Variants in PARD3B observed in about 807,000 individuals in gnomAD.
PARD3B encodes the protein partitioning defective 3 homolog B.
PARD3B carries 103 observed loss-of-function variants against 130.2 expected under a neutral mutation model. That is an observed-to-expected ratio of 0.79 (90% CI 0.67 to 0.93). PARD3B has a LOEUF of 0.93. PARD3B is among the 40% of genes least tolerant of loss of function. The pLI, the probability that PARD3B is intolerant of heterozygous loss-of-function variation, is 0.00. For synonymous variants in PARD3B, 583 were observed against 553.2 expected, an observed-to-expected ratio of 1.05 and a Z score of -0.76; for missense variants, 1,609 against 1,499.2, an observed-to-expected ratio of 1.07 and a Z score of -1.21.
Position 205,564,908 on chromosome 2 carries a change from A to G in PARD3B, c.3260+11505A>G, listed in dbSNP as rs969433608. Among the ~76,000 whole-genome samples, 2 of 152,208 alleles carry G rather than the reference A, an allele frequency of 1.3e-5. No homozygotes were observed. Among genetic ancestry groups the G allele is most frequent in the Non-Finnish European group, 2.9e-5 (2 of 68,040 alleles). ...TCATTAAGCCTAGACAGAAGTGACC[A>G]GGGCTTGTCTCACCAGAGGGTTGCC... On this transcript the variant is annotated intron_variant, in intron 22 of 22. Coordinates refer to ENST00000406610, the MANE Select transcript of PARD3B (RefSeq NM_001302769.2). The surrounding 1 kb of genome is among the most constrained non-coding windows in gnomAD (Gnocchi z 4.6).
In PARD3B at chr2:205,276,977, A is replaced by G. The variant is rs553119906; in HGVS notation, c.2186-23553A>G. On this transcript the variant is annotated intron_variant, in intron 16 of 22. Coordinates refer to ENST00000406610, the MANE Select transcript of PARD3B (RefSeq NM_001302769.2). The surrounding 1 kb of genome is among the most constrained non-coding windows in gnomAD (Gnocchi z 5.0). ...CCTAGCTCCATTTCTGGCACCTAGG[A>G]CAACCTCCATACCTGCTAGTTGTTA... is the stretch of plus-strand genomic sequence containing the variant. 7.9e-5 allele frequency among the ~76,000 whole-genome samples: 12 copies of G among 152,318 alleles called. No individual in the cohort carries two copies. The South Asian group carries it at 2.1e-3, about 26-fold the overall frequency.
At chr2:205,344,763 G>T (rs1322020634) in intron 18 of PARD3B, among the ~76,000 whole-genome samples, 1 of 152,138 alleles carries the variant, frequency 6.6e-6, no homozygotes, top group Admixed American at 6.5e-5. Context: ...AGGGCATTTT[G>T]CCCTCACTTA....
chr2:204,836,063 G>C (rs1303659621), intron 2 of PARD3B, among the ~76,000 whole-genome samples: 1 of 152,202 alleles, frequency 6.6e-6, no homozygotes, highest in Non-Finnish European at 1.5e-5. Flanking sequence ...TTTCGATGTA[G>C]TCTGAAATTA....
At chr2:204,643,370 A>T (rs1447798022) in intron 1 of PARD3B, among the ~76,000 whole-genome samples, 1 of 151,930 alleles carries the variant, frequency 6.6e-6, no homozygotes, top group East Asian at 1.9e-4. Flanking sequence ...TCTGTCCTGG[A>T]CTTCATCCCT....
intron 22 of PARD3B, among the ~76,000 whole-genome samples, chr2:205,571,175 A>C (rs2053548422): frequency 6.6e-6 from 1 of 152,230 alleles, no homozygotes; most frequent in Non-Finnish European, 1.5e-5. Context: ...CAATGGCTAA[A>C]AATTTAAAGG....
chr2:205,085,606 C>A lies in PARD3B; in HGVS notation c.505-18820C>A, dbSNP rs1453794214. On this transcript the variant is annotated intron_variant, in intron 4 of 22. Coordinates refer to ENST00000406610, the MANE Select transcript of PARD3B (RefSeq NM_001302769.2). ...AACAAGAAATGTATACATTATCATT[C>A]ATTGCTTTTCCTTGACATTTATGTA... Among the ~76,000 whole-genome samples, 11 of 151,936 alleles carry A rather than the reference C, an allele frequency of 7.2e-5. No homozygotes were observed. In the East Asian group the frequency reaches 2.1e-3, roughly 29 times the overall value.
chr2:205,577,114 A>G (rs771360744), intron 22 of PARD3B, among the ~76,000 whole-genome samples: 5 of 152,174 alleles, frequency 3.3e-5, no homozygotes, highest in Non-Finnish European at 7.3e-5. Context: ...GTATACGAAA[A>G]TGATTGACTT....
Position 204,967,037 on chromosome 2 carries a change from C to G in PARD3B, c.394+1714C>G, listed in dbSNP as rs1055387610. 6.6e-6 allele frequency among the ~76,000 whole-genome samples: 1 copy of G among 152,170 alleles called. No individual in the cohort carries two copies. The highest frequency in any genetic ancestry group is 2.4e-5 in the African/African-American group (1 of 41,438). ...TGTTGCTGGCTGTGGTGTGAGAAAC[C>G]ATTTTGCTGTGCTGCCTCTGACATG... On this transcript the variant is annotated intron_variant, in intron 3 of 22. Transcript: ENST00000406610. The surrounding 1 kb of genome is among the most constrained non-coding windows in gnomAD (Gnocchi z 4.4).
rs560790526 is a variant in PARD3B at position 205,137,348 on chromosome 2, G to A, written c.1434+11611G>A. Among the ~76,000 whole-genome samples, 19 of 152,234 alleles carry A rather than the reference G, an allele frequency of 1.2e-4. No individual in the cohort carries two copies. The East Asian group carries it at 1.9e-3, about 15-fold the overall frequency. ...AATAATGAATAACGAACATCTTTCC[G>A]AAGGCAGGAAAGAAAACTGCAGAAA... On this transcript the variant is annotated intron_variant, in intron 10 of 22. Transcript: ENST00000406610.
chr2:205,197,847 A>G (rs181007776), intron 15 of PARD3B, among the ~76,000 whole-genome samples: 72 of 152,200 alleles, frequency 4.7e-4, no homozygotes, highest in African/African-American at 1.7e-3. Flanking sequence ...TTCATAATTG[A>G]GCTTGTGTGG....
chr2:204,916,816 T>C (rs2047465298), intron 2 of PARD3B, among the ~76,000 whole-genome samples: 2 of 152,352 alleles, frequency 1.3e-5, no homozygotes, highest in South Asian at 2.1e-4. Flanking sequence ...GGACTTATGA[T>C]ACTAAGCCAC....
At position 204,623,980 on chromosome 2, in the gene PARD3B, C is replaced by G. The variant is rs1385786839; in HGVS notation, c.121-62201C>G. ...CTGTCCATGTCATTGGCAGGACTTT[C>G]TTTTTAGAGGCTGCATAATATTCCA... On this transcript the variant is annotated intron_variant, in intron 1 of 22. Coordinates refer to ENST00000406610, the MANE Select transcript of PARD3B (RefSeq NM_001302769.2). This position sits in a 1 kb window ranked among gnomAD's most constrained non-coding sequence, Gnocchi z 4.5. Among the ~76,000 whole-genome samples the G allele has an allele frequency of 2.0e-5, 3 of 152,106 alleles. No homozygotes were observed. The highest frequency in any genetic ancestry group is 4.4e-5 in the Non-Finnish European group (3 of 67,996).
At chr2:205,090,186 A>G (rs1461904433) in intron 4 of PARD3B, among the ~76,000 whole-genome samples, 3 of 152,220 alleles carry the variant, frequency 2.0e-5, no homozygotes, top group African/African-American at 7.2e-5. Context: ...TGCCTCACTA[A>G]TTAGATATGG....
In PARD3B at chr2:204,799,633, G is replaced by A. The variant is rs1403590153; in HGVS notation, c.222+113351G>A. ...TGGTGGTGGCCACAGGTGTGCTCAT[G>A]TTATCCCTCTCCAGCTCCAGGCAGC... On this transcript the variant is annotated intron_variant, in intron 2 of 22. Coordinates refer to ENST00000406610, the MANE Select transcript of PARD3B (RefSeq NM_001302769.2). The surrounding 1 kb of genome is among the most constrained non-coding windows in gnomAD (Gnocchi z 4.1). 6.6e-6 allele frequency among the ~76,000 whole-genome samples: 1 copy of A among 152,168 alleles called. No homozygotes were observed. Among genetic ancestry groups the A allele is most frequent in the Non-Finnish European group, 1.5e-5 (1 of 68,036 alleles).
chr2:205,057,624 C>T lies in PARD3B; in HGVS notation c.504+9934C>T, dbSNP rs552348986. 1.5e-3 allele frequency among the ~76,000 whole-genome samples: 170 copies of T among 116,546 alleles called. 5 individuals carry two copies. The highest frequency in any genetic ancestry group is 4.3e-3 in the African/African-American group (132 of 30,832). The allele number at this position is 116,546 out of a possible 152,430, so 76.5% of individuals were successfully genotyped here. A position where few individuals can be genotyped will look rare whatever the true frequency, so the allele number is the denominator to read the frequency against. On this transcript the variant is annotated intron_variant, in intron 4 of 22. Coordinates refer to ENST00000406610, the MANE Select transcript of PARD3B (RefSeq NM_001302769.2). ...ATATATGTGTATGTGTATGTGTATACGTATATATATACATATATGTGTATG... is the reference window on the plus strand; with the variant it reads ...ATATATGTGTATGTGTATGTGTATATGTATATATATACATATATGTGTATG...
At chr2:204,900,870 CTT>C (rs2046828270) in intron 2 of PARD3B, among the ~76,000 whole-genome samples, 1 of 152,134 alleles carries the variant, frequency 6.6e-6, no homozygotes, top group Non-Finnish European at 1.5e-5. Flanking sequence ...CTTTTGCAGA[CTT>C]TTACAGGTAC....
chr2:205,518,760 G>T (rs560764460), intron 21 of PARD3B, among the ~76,000 whole-genome samples: 1 of 152,258 alleles, frequency 6.6e-6, no homozygotes, highest in South Asian at 2.1e-4. Flanking sequence ...AAGATTTCTT[G>T]TAAGGCAGGT....
At chr2:204,567,440 A>G (rs2031741451) in intron 1 of PARD3B, among the ~76,000 whole-genome samples, 1 of 152,118 alleles carries the variant, frequency 6.6e-6, no homozygotes, top group South Asian at 2.1e-4. Flanking sequence ...TACTCTAGAT[A>G]CCTCAGAAGT....
Position 205,241,751 on chromosome 2 carries a change from T to G in PARD3B, c.2141-4027T>G, listed in dbSNP as rs1386032999. 2.0e-5 allele frequency among the ~76,000 whole-genome samples: 3 copies of G among 152,158 alleles called. No homozygotes were observed. Among genetic ancestry groups the G allele is most frequent in the Non-Finnish European group, 4.4e-5 (3 of 67,996 alleles). On this transcript the variant is annotated intron_variant, in intron 15 of 22. Coordinates refer to ENST00000406610, the MANE Select transcript of PARD3B (RefSeq NM_001302769.2). The surrounding 1 kb of genome is among the most constrained non-coding windows in gnomAD (Gnocchi z 4.2). ...CACACCAGGCCCATTTATTTTTCAA[T>G]CTCTTGTAAATAAGTCCTTTGTTTA...
Sources: allele counts gnomAD v4.1 joint callset (sites outside exome capture counted in the v4.1 genomes callset), GRCh38; gene constraint gnomAD v4.1.1; non-coding constraint Gnocchi (gnomAD v3.1); transcripts MANE v1.5; gene names NCBI Gene and HGNC (gene_info 2026-07-23, HGNC 2026-07-21).